The following SCARA5 variants were observed in gnomAD, a reference collection of about 807,000 sequenced individuals.
The protein encoded by SCARA5 is scavenger receptor class A member 5.
In SCARA5, 45 loss-of-function variants were observed where a neutral mutation model predicts 46.3. The observed-to-expected ratio is 0.97, with a 90% CI of 0.76 to 1.24. The LOEUF (loss-of-function observed/expected upper bound fraction) is 1.24. SCARA5 is among the 50% of genes most tolerant of loss of function. The pLI is 0.00. For missense variants in SCARA5, 680 were observed against 689.0 expected (o/e 0.99, Z 0.15); for synonymous variants, 333 against 306.5 (o/e 1.09, Z -0.90).
intron 3 of SCARA5, among the ~76,000 whole-genome samples, chr8:27,939,170 A>G (rs1807903834): frequency 1.3e-5 from 2 of 152,190 alleles, no homozygotes; most frequent in South Asian, 4.1e-4. Context: ...TGCAGGCAAG[A>G]TACTTGCATC....
At chr8:27,964,315 T>C (rs2685403) in intron 3 of SCARA5, among the ~76,000 whole-genome samples, 29,372 of 152,042 alleles carry the variant, frequency 0.19, 2,914 homozygotes, top group East Asian at 0.24. Flanking sequence ...TACGACATTG[T>C]TGCACCAGCT....
Position 27,966,463 on chromosome 8 carries a change from C to A in SCARA5, c.192G>T (p.Gly64=). ...SLSALKHAVL[G]LYLLVFLILV... ...GAATCAGGAAGACCAGCAGGTAGAGCCCCAGGACAGCATGCTTCAGGGCCG... is the reference window on the plus strand; with the variant it reads ...GAATCAGGAAGACCAGCAGGTAGAGACCCAGGACAGCATGCTTCAGGGCCG... Residue 64 remains glycine (G), a synonymous_variant, in exon 3 of 9, where the codon GGG becomes GGT. Coordinates refer to ENST00000354914, the MANE Select transcript of SCARA5 (RefSeq NM_173833.6). The A allele has an allele frequency of 6.2e-7, 1 of 1,613,840 alleles. No individual in the cohort carries two copies.
chr8:27,983,363 C>G (rs1299291372), intron 2 of SCARA5, among the ~76,000 whole-genome samples: 1 of 152,190 alleles, frequency 6.6e-6, no homozygotes, highest in African/African-American at 2.4e-5. Flanking sequence ...ACATCGTGAA[C>G]AGAGCTTTTC....
intron 1 of SCARA5, among the ~76,000 whole-genome samples, chr8:27,988,286 T>C (rs1467832492): frequency 6.6e-6 from 1 of 152,178 alleles, no homozygotes; most frequent in Non-Finnish European, 1.5e-5. Flanking sequence ...ACTAAGCATC[T>C]GGACAGCTTT....
In SCARA5 at chr8:27,922,054, C is replaced by A. The variant is rs775439485; in HGVS notation, c.433G>T (p.Ala145Ser). ...AGCGCGCCCTCCAGCCGCTGCACTG[C>A]GCCCGCCAGCGCCAGCAACGAGTCT... ...QSDSLLALAG[A>S]VQRLEGALWG... Residue 145 changes from alanine (A) to serine (S), a missense_variant, in exon 4 of 9, where the codon GCA becomes TCA. Physicochemically the swap from Ala to Ser is moderately conservative, Grantham distance 99. This residue lies in a region of SCARA5 where 438 missense variants were observed against 384.5 expected (regional missense o/e 1.14). Coordinates refer to ENST00000354914, the MANE Select transcript of SCARA5 (RefSeq NM_173833.6). 16 of 1,576,080 alleles carry A rather than the reference C, an allele frequency of 1.0e-5. No homozygotes were observed. Among genetic ancestry groups the A allele is most frequent in the Admixed American group, 3.6e-5 (2 of 55,118 alleles).
At chr8:27,930,021 A>G (rs1228269021) in intron 3 of SCARA5, among the ~76,000 whole-genome samples, 1 of 152,172 alleles carries the variant, frequency 6.6e-6, no homozygotes, top group Non-Finnish European at 1.5e-5. Context: ...CAAATGCCCT[A>G]CAATCCCATG....
At chr8:27,944,333 T>A (rs1251560405) in intron 3 of SCARA5, among the ~76,000 whole-genome samples, 5 of 152,150 alleles carry the variant, frequency 3.3e-5, no homozygotes, top group African/African-American at 1.2e-4. Context: ...TGTATAGTGG[T>A]GATATAAGAC....
At chr8:27,921,493 G>T in intron 4 of SCARA5, 78 bp downstream of exon 4, 1 of 1,284,990 alleles carries the variant, frequency 7.8e-7, no homozygotes, top group Non-Finnish European at 1.1e-6. Context: ...GTACTCCTGG[G>T]TCCTTGGGGA....
intron 8 of SCARA5, among the ~76,000 whole-genome samples, chr8:27,875,144 C>T (rs986064941): frequency 6.6e-6 from 1 of 151,962 alleles, no homozygotes; most frequent in Non-Finnish European, 1.5e-5. Context: ...TCCTCGCTCC[C>T]TTCTTTCTTC....
intron 3 of SCARA5, among the ~76,000 whole-genome samples, chr8:27,952,595 A>G (rs752697082): frequency 2.6e-5 from 4 of 152,228 alleles, no homozygotes; most frequent in African/African-American, 4.8e-5. Flanking sequence ...TGAGAGTGAC[A>G]AGCCATGCAG....
chr8:27,937,772 G>A (rs543594583), intron 3 of SCARA5, among the ~76,000 whole-genome samples: 3 of 152,178 alleles, frequency 2.0e-5, no homozygotes, highest in African/African-American at 7.2e-5. Flanking sequence ...CTTCTCTCTT[G>A]CCCTCCCACA....
At chr8:27,910,745 G>A (rs1232063496) in intron 4 of SCARA5, among the ~76,000 whole-genome samples, 2 of 152,220 alleles carry the variant, frequency 1.3e-5, no homozygotes, top group Admixed American at 1.3e-4. Flanking sequence ...ACTGACTTTG[G>A]TGAAAGTTGG....
intron 7 of SCARA5, chr8:27,886,007 T>C (rs576108476): frequency 1.3e-5 from 2 of 154,882 alleles, no homozygotes; most frequent in South Asian, 4.1e-4. Flanking sequence ...TGGCCCATGC[T>C]TACCATGCAT....
intron 7 of SCARA5, 110 bp from the exon 8 acceptor site, chr8:27,879,876 GC>G: frequency 9.7e-7 from 1 of 1,035,392 alleles, no homozygotes; most frequent in Non-Finnish European, 1.4e-6. Context: ...GAGGGCTGGG[GC>G]CCAGCTGTAT....
intron 3 of SCARA5, among the ~76,000 whole-genome samples, chr8:27,942,325 T>C (rs1315918856): frequency 6.6e-6 from 1 of 152,320 alleles, no homozygotes; most frequent in Non-Finnish European, 1.5e-5. Flanking sequence ...TTCACGATGG[T>C]GGCCCCCACT....
intron 3 of SCARA5, among the ~76,000 whole-genome samples, chr8:27,930,340 C>A (rs184476364): frequency 2.6e-4 from 39 of 152,104 alleles, no homozygotes; most frequent in Admixed American, 7.8e-4. Context: ...GTGAGACGTG[C>A]CTTTCACCTT....
chr8:27,927,036 C>T (rs1379930195), intron 3 of SCARA5, among the ~76,000 whole-genome samples: 1 of 152,204 alleles, frequency 6.6e-6, no homozygotes, highest in East Asian at 1.9e-4. Context: ...AGTAACAGGG[C>T]AACCTCCCAG....
At chr8:27,951,023 C>G (rs953568634) in intron 3 of SCARA5, among the ~76,000 whole-genome samples, 6 of 152,158 alleles carry the variant, frequency 3.9e-5, no homozygotes, top group African/African-American at 1.4e-4. Context: ...CTAAGGGTCT[C>G]CACGTTACTC....
intron 2 of SCARA5, among the ~76,000 whole-genome samples, chr8:27,972,893 TATTAAGA>T (rs1223134644): frequency 6.6e-6 from 1 of 152,028 alleles, no homozygotes; most frequent in African/African-American, 2.4e-5. Context: ...GAAGGTAGTA[TATTAAGA>T]ATTAAGTACC....
Sources: allele counts gnomAD v4.1 joint callset (sites outside exome capture counted in the v4.1 genomes callset), GRCh38; gene constraint gnomAD v4.1.1; regional missense constraint gnomAD v4.1.1; transcripts MANE v1.5; gene names NCBI Gene and HGNC (gene_info 2026-07-23, HGNC 2026-07-21).